The following REDIC1 variants were observed in gnomAD, a reference collection of about 807,000 sequenced individuals.
REDIC1 encodes the protein regulator of DNA class I crossover intermediates 1, also known as HEI10 Interacting Protein 1.
the REDIC1 span, among the ~76,000 whole-genome samples, chr12:39,834,584 C>T: frequency 1.1e-4 from 17 of 152,088 alleles, no homozygotes; most frequent in Admixed American, 1.1e-3. Flanking sequence ...TCCATACTGC[C>T]CCTCCATACC....
At chr12:39,678,651 G>GAAAAAAAAAAAAAAAAAAA in the REDIC1 span, among the ~76,000 whole-genome samples, 1 of 106,474 alleles carries the variant, frequency 9.4e-6, no homozygotes, top group Non-Finnish European at 2.0e-5. Flanking sequence ...AAAAAAAAAG[G>GAAAAAAAAAAAAAAAAAAA]AAACTATAGA....
At chr12:39,855,899 T>C in the REDIC1 span, among the ~76,000 whole-genome samples, 12 of 152,202 alleles carry the variant, frequency 7.9e-5, no homozygotes, top group Non-Finnish European at 1.8e-4. Flanking sequence ...ACTATCTTAT[T>C]AGCACCACAC....
the REDIC1 span, among the ~76,000 whole-genome samples, chr12:39,705,914 C>T: frequency 3.3e-5 from 5 of 151,932 alleles, no homozygotes; most frequent in Non-Finnish European, 7.4e-5. Context: ...ACAAGTATGC[C>T]CACTTTCATT....
At chr12:39,831,951 A>G in the REDIC1 span, among the ~76,000 whole-genome samples, 1 of 152,162 alleles carries the variant, frequency 6.6e-6, no homozygotes, top group African/African-American at 2.4e-5. Context: ...GTATTCCTTT[A>G]TAACAACAAA....
the REDIC1 span, chr12:39,716,907 C>T: frequency 2.8e-6 from 3 of 1,078,132 alleles, no homozygotes; most frequent in Non-Finnish European, 3.8e-6. Context: ...TCATAGTTTA[C>T]CTTTACCCTA....
chr12:39,761,703 G>A, the REDIC1 span, among the ~76,000 whole-genome samples: 2 of 151,950 alleles, frequency 1.3e-5, no homozygotes, highest in Non-Finnish European at 2.9e-5. Flanking sequence ...GGTAGGAAGA[G>A]AAATGGAATC....
the REDIC1 span, chr12:39,721,755 T>G: frequency 6.6e-6 from 1 of 152,234 alleles, no homozygotes; most frequent in East Asian, 1.9e-4. Context: ...ATTTAAAAAT[T>G]CTAGCATTAA....
the REDIC1 span, among the ~76,000 whole-genome samples, chr12:39,861,674 AAAG>A: frequency 2.6e-5 from 4 of 152,166 alleles, no homozygotes; most frequent in Non-Finnish European, 5.9e-5. Flanking sequence ...GGTGTGAAAA[AAAG>A]AAATATGTGT....
chr12:39,829,392 CTTTTTTTTTTTTT>C, the REDIC1 span: 3 of 65,796 alleles, frequency 4.6e-5, no homozygotes, highest in East Asian at 1.0e-3. Context: ...GATAGTAATT[CTTTTTTTTTTTTT>C]TTTTTTTTTT....
chr12:39,895,549 T>TAC, the REDIC1 span, among the ~76,000 whole-genome samples: 18 of 72,544 alleles, frequency 2.5e-4, 4 homozygotes, highest in African/African-American at 7.9e-4. Context: ...TATATATATA[T>TAC]ATACACACAC....
chr12:39,891,175 G>A, the REDIC1 span, among the ~76,000 whole-genome samples: 1 of 148,720 alleles, frequency 6.7e-6, no homozygotes, highest in Non-Finnish European at 1.5e-5. Flanking sequence ...TGTCCTCTGG[G>A]AAACCTTCAC....
the REDIC1 span, among the ~76,000 whole-genome samples, chr12:39,655,661 G>T: frequency 5.9e-5 from 9 of 152,154 alleles, no homozygotes; most frequent in Admixed American, 5.9e-4. Context: ...CTGATGGTTT[G>T]CCACTGAAAA....
At chr12:39,795,824 A>G in the REDIC1 span, among the ~76,000 whole-genome samples, 1 of 152,062 alleles carries the variant, frequency 6.6e-6, no homozygotes, top group African/African-American at 2.4e-5. Flanking sequence ...GAGGGAGGAA[A>G]CTTCCTTGCT....
At chr12:39,759,338 A>G in the REDIC1 span, 1 of 152,250 alleles carries the variant, frequency 6.6e-6, no homozygotes, top group Non-Finnish European at 1.5e-5. Context: ...GATGCAAAAA[A>G]AAGAAGTATG....
chr12:39,727,011 G>A, the REDIC1 span, among the ~76,000 whole-genome samples: 22 of 150,824 alleles, frequency 1.5e-4, no homozygotes, highest in African/African-American at 5.2e-4. Flanking sequence ...TGATGGGGTT[G>A]TTTGTTTTTC....
chr12:39,759,832 T>A, the REDIC1 span: 4 of 541,278 alleles, frequency 7.4e-6, no homozygotes, highest in East Asian at 3.0e-5. Flanking sequence ...AAATATTTTT[T>A]AAAATATTGT....
At chr12:39,770,106 T>G in the REDIC1 span, among the ~76,000 whole-genome samples, 19 of 152,100 alleles carry the variant, frequency 1.2e-4, no homozygotes, top group Non-Finnish European at 2.6e-4. Flanking sequence ...AAATTGCCTC[T>G]TCCTCTTCTC....
chr12:39,718,822 T>G, the REDIC1 span, among the ~76,000 whole-genome samples: 1 of 152,264 alleles, frequency 6.6e-6, no homozygotes, highest in East Asian at 1.9e-4. Context: ...CCTTGATATT[T>G]TTTAAGCCAA....
the REDIC1 span, among the ~76,000 whole-genome samples, chr12:39,779,981 C>A: frequency 6.6e-6 from 1 of 152,164 alleles, no homozygotes; most frequent in African/African-American, 2.4e-5. Context: ...TCTTTTCAAT[C>A]CATTTTATAG....
Sources: allele counts gnomAD v4.1 joint callset (sites outside exome capture counted in the v4.1 genomes callset), GRCh38; gene constraint gnomAD v4.1.1; transcripts MANE v1.5; gene names NCBI Gene and HGNC (gene_info 2026-07-23, HGNC 2026-07-21).